HELLS: variants seen among roughly 807,000 people sequenced by gnomAD.
HELLS encodes the protein helicase, lymphoid specific, also known as lymphoid-specific helicase.
In HELLS, 32 loss-of-function variants were observed where a neutral mutation model predicts 120.0. The ratio of observed to expected loss-of-function variants is 0.27; its 90% CI spans 0.20 to 0.36. The LOEUF (loss-of-function observed/expected upper bound fraction) is 0.36. Among genes scored for constraint, HELLS ranks in the 10% least tolerant of loss-of-function variants. HELLS has a pLI of 1.00. For missense variants in HELLS, 650 were observed against 993.4 expected (o/e 0.65, Z 4.65); for synonymous variants, 341 against 323.4 (o/e 1.05, Z -0.58).
chr10:94,612,506 A>G (rs990957776), exon 10 of HELLS: 6 of 152,362 alleles, frequency 3.9e-5, no homozygotes, highest in Admixed American at 6.5e-5. Flanking sequence ...ATATAATGTC[A>G]TGACATCACT....
intron 11 of HELLS, among the ~76,000 whole-genome samples, chr10:94,582,194 T>A (rs963859251): frequency 6.6e-6 from 1 of 152,238 alleles, no homozygotes; most frequent in Non-Finnish European, 1.5e-5. Context: ...AAAATAATTT[T>A]AAATTTTGGG....
At chr10:94,556,584 C>T (rs934244722) in intron 3 of HELLS, among the ~76,000 whole-genome samples, 2 of 152,086 alleles carry the variant, frequency 1.3e-5, no homozygotes, top group Non-Finnish European at 2.9e-5. Context: ...AAAATTCTTT[C>T]TGCTTATTTA....
At chr10:94,596,981 T>G in intron 20 of HELLS, 25 bp downstream of exon 20, 4 of 1,466,656 alleles carry the variant, frequency 2.7e-6, no homozygotes, top group Non-Finnish European at 2.8e-6. Context: ...TTAGAAAGAT[T>G]TAATTTGTAG....
In HELLS at chr10:94,596,862, C is replaced by T. The variant is rs1434721421; in HGVS notation, c.2251C>T (p.His751Tyr). Reference protein sequence around the residue: ...KLEKLIIHKNHFKGGQSGLNL... With the variant: ...KLEKLIIHKNYFKGGQSGLNL... ...TTTTAATTTCTCATTTTTTTTAGAT[C>T]ATTTCAAAGGTGGTCAGTCTGGATT... is the stretch of plus-strand genomic sequence containing the variant. The change falls in exon 20 of 22, where the codon CAT becomes TAT. Residue 751 changes from histidine (H) to tyrosine (Y), a missense_variant and splice_region_variant. By Grantham distance (83) the His-to-Tyr change is moderately conservative. Coordinates refer to ENST00000348459, the MANE Select transcript of HELLS (RefSeq NM_018063.5). 1.4e-6 allele frequency: 2 copies of T among 1,401,496 alleles called. No homozygotes were observed. Among genetic ancestry groups the T allele is most frequent in the Non-Finnish European group, 1.0e-6 (1 of 1,001,794 alleles). The allele number at this position is 1,401,496 out of a possible 1,614,324, so 86.8% of individuals were successfully genotyped here.
intron 6 of HELLS, chr10:94,570,746 T>G (rs1589726973): frequency 6.6e-6 from 1 of 152,074 alleles, no homozygotes; most frequent in Non-Finnish European, 1.5e-5. Flanking sequence ...GAGCACTTTA[T>G]TCTGTATTTT....
intron 4 of HELLS, among the ~76,000 whole-genome samples, chr10:94,560,653 C>T (rs1486043234): frequency 6.6e-6 from 1 of 151,938 alleles, no homozygotes; most frequent in African/African-American, 2.4e-5. Context: ...GCCAAGATTG[C>T]ATCACCGCAC....
At chr10:94,553,998 C>G in intron 2 of HELLS, 128 bp from the exon 3 acceptor site, 1 of 727,626 alleles carries the variant, frequency 1.4e-6, no homozygotes, top group Non-Finnish European at 2.2e-6. Flanking sequence ...GTTATTTGTT[C>G]CAGTTTTTGG....
At chr10:94,547,631 T>C (rs535744047) in intron 2 of HELLS, among the ~76,000 whole-genome samples, 1 of 152,224 alleles carries the variant, frequency 6.6e-6, no homozygotes, top group African/African-American at 2.4e-5. Flanking sequence ...ATTATTACTA[T>C]TACTGCTATT....
rs1372273537 is a variant in HELLS, at chr10:94,576,747, T to C, written c.974T>C (p.Ile325Thr). ...NIYKRKGTLQ[I>T]HPVVITSFEI... Reference sequence around the variant, plus strand: ...TACAAACGGAAAGGGACTTTGCAGATTCATCCTGTGGTAATCACGTCATTT... The same window carrying C: ...TACAAACGGAAAGGGACTTTGCAGACTCATCCTGTGGTAATCACGTCATTT... Residue 325 changes from isoleucine to threonine, a missense_variant, in exon 10 of 22, where the codon ATT becomes ACT. Physicochemically the swap from Ile to Thr is moderately conservative, Grantham distance 89. Transcript: ENST00000348459. The C allele has an allele frequency of 6.2e-7, 1 of 1,612,392 alleles. No homozygotes were observed. The highest frequency in any genetic ancestry group is 1.1e-5 in the South Asian group (1 of 90,844).
intron 12 of HELLS, among the ~76,000 whole-genome samples, chr10:94,587,909 T>A: frequency 6.6e-6 from 1 of 152,222 alleles, no homozygotes; most frequent in East Asian, 1.9e-4. Flanking sequence ...TGATAACATC[T>A]CATTCTAAAA....
At chr10:94,547,018 T>C (rs200320110) in intron 2 of HELLS, among the ~76,000 whole-genome samples, 1 of 152,228 alleles carries the variant, frequency 6.6e-6, no homozygotes, top group East Asian at 1.9e-4. Context: ...TCTTTTGGTT[T>C]CATGGCCTGT....
intron 2 of HELLS, among the ~76,000 whole-genome samples, chr10:94,546,930 G>A (rs926272767): frequency 1.3e-5 from 2 of 152,162 alleles, no homozygotes; most frequent in African/African-American, 4.8e-5. Context: ...TCAAAGGCTG[G>A]GCTGGAATCC....
intron 12 of HELLS, among the ~76,000 whole-genome samples, chr10:94,585,371 T>TG (rs1469486264): frequency 1.4e-4 from 18 of 129,654 alleles, no homozygotes; most frequent in Middle Eastern, 4.0e-3. Flanking sequence ...TGTTTTTTTT[T>TG]TTTGTTTGTT....
intron 19 of HELLS, among the ~76,000 whole-genome samples, chr10:94,595,720 C>T (rs898346944): frequency 7.2e-5 from 11 of 152,276 alleles, no homozygotes; most frequent in Admixed American, 4.6e-4. Context: ...TCTATCCATT[C>T]ACCATAAAAT....
intron 2 of HELLS, among the ~76,000 whole-genome samples, chr10:94,551,422 G>A (rs1296380012): frequency 6.6e-6 from 1 of 151,876 alleles, no homozygotes; most frequent in Non-Finnish European, 1.5e-5. Context: ...AAAAATTAGC[G>A]GGGTGTGGTG....
exon 10 of HELLS, chr10:94,613,403 G>A (rs979060138): frequency 1.3e-5 from 2 of 152,042 alleles, no homozygotes; most frequent in South Asian, 2.1e-4. Flanking sequence ...GACATGTTTC[G>A]TTGATTCCTG....
At chr10:94,583,625 T>G (rs1844981589) in intron 12 of HELLS, among the ~76,000 whole-genome samples, 1 of 152,124 alleles carries the variant, frequency 6.6e-6, no homozygotes, top group Admixed American at 6.5e-5. Flanking sequence ...TATCACTTCC[T>G]CTTAAAATTG....
intron 6 of HELLS, among the ~76,000 whole-genome samples, chr10:94,565,201 G>A (rs926713449): frequency 6.6e-6 from 1 of 152,194 alleles, no homozygotes; most frequent in African/African-American, 2.4e-5. Flanking sequence ...GCTGGGAATG[G>A]TGGCTTGCGC....
chr10:94,576,787 A>G lies in HELLS; in HGVS notation c.1014A>G (p.Arg338=), dbSNP rs773152277. ...VVITSFEIAM[R]DRNALQHCYW... ...TCACGTCATTTGAAATAGCCATGAG[A>G]GACCGAAATGCGTTACAGGTACAAA... The change falls in exon 10 of 22, where the codon AGA becomes AGG. Residue 338 remains arginine, a synonymous_variant. Transcript: ENST00000348459. 2.5e-6 allele frequency: 4 copies of G among 1,606,380 alleles called. No individual in the cohort carries two copies. In the African/African-American group the frequency reaches 5.4e-5, roughly 22 times the overall value.
Sources: allele counts gnomAD v4.1 joint callset (sites outside exome capture counted in the v4.1 genomes callset), GRCh38; gene constraint gnomAD v4.1.1; transcripts MANE v1.5; gene names NCBI Gene and HGNC (gene_info 2026-07-23, HGNC 2026-07-21).